Variants in SERPINB13 observed in about 807,000 individuals in gnomAD.
SERPINB13 encodes serpin B13.
Under a neutral mutation model 31.2 loss-of-function variants are expected in SERPINB13, and 26 were observed. That is an observed-to-expected ratio of 0.83 (90% CI 0.61 to 1.15). The LOEUF is 1.15. Among genes scored for constraint, SERPINB13 ranks in the 50% most tolerant of loss-of-function variants. SERPINB13 has a pLI of 0.00. For synonymous variants in SERPINB13, 191 were observed against 172.4 expected (o/e 1.11, Z -0.85); for missense variants, 510 against 469.4 (o/e 1.09, Z -0.80).
chr18:63,597,355 TCTC>T lies in SERPINB13; in HGVS notation c.1171_1173del (p.Pro391del), dbSNP rs958520991. The T allele has an allele frequency of 6.2e-7, 1 of 1,612,082 alleles. No homozygotes were observed. Among genetic ancestry groups the T allele is most frequent in the African/African-American group, 1.3e-5 (1 of 75,028 alleles). On this transcript the variant is annotated inframe_deletion, in exon 8 of 8. Transcript: ENST00000344731. ...CATCCTCTTCTTCGGCAGATTTTCT[TCTC>T]CTTAAGATGATCGTTGCCATGGCAT...
chr18:63,597,203 C>T lies in SERPINB13; in HGVS notation c.1016C>T (p.Thr339Ile), dbSNP rs372905749. Residue 339 changes from threonine (T) to isoleucine (I), a missense_variant, in exon 8 of 8, where the codon ACT becomes ATT. By Grantham distance (89) the Thr-to-Ile change is moderately conservative. Transcript: ENST00000344731. ...KFLHSSFVAVTEEGTEAAAAT... is the reference protein window; with the variant it reads ...KFLHSSFVAVIEEGTEAAAAT... ...CTGCACAGTTCCTTTGTGGCAGTAACTGAGGAAGGCACCGAGGCTGCAGCT... is the reference window on the plus strand; with the variant it reads ...CTGCACAGTTCCTTTGTGGCAGTAATTGAGGAAGGCACCGAGGCTGCAGCT... 6.7e-5 allele frequency: 108 copies of T among 1,614,076 alleles called. No homozygotes were observed. Among genetic ancestry groups the T allele is most frequent in the Non-Finnish European group, 8.1e-5 (96 of 1,180,056 alleles).
At chr18:63,594,206 T>G in intron 5 of SERPINB13, 149 bp from the exon 6 acceptor site, 3 of 1,538,224 alleles carry the variant, frequency 2.0e-6, no homozygotes, top group Non-Finnish European at 2.6e-6. Context: ...CCGTCGATTC[T>G]GCCAGCAAAC....
intron 1 of SERPINB13, among the ~76,000 whole-genome samples, 178 bp downstream of exon 1, chr18:63,587,628 T>C (rs189847620): frequency 1.6e-4 from 25 of 152,398 alleles, no homozygotes; most frequent in Admixed American, 1.4e-3. Context: ...CCATTTTATT[T>C]CTGAGTTAAC....
intron 3 of SERPINB13, 53 bp downstream of exon 3, chr18:63,589,768 C>G (rs1209329732): frequency 5.6e-6 from 9 of 1,612,662 alleles, no homozygotes; most frequent in Non-Finnish European, 7.6e-6. Flanking sequence ...TTACAAACTT[C>G]AGTAGAGTTG....
At chr18:63,592,596 T>C in intron 4 of SERPINB13, 120 bp downstream of exon 4, 1 of 1,036,262 alleles carries the variant, frequency 9.7e-7, no homozygotes, top group Non-Finnish European at 1.4e-6. Context: ...TGTGGTGCTT[T>C]TCCATCCTGA....
chr18:63,597,074 T>TA lies in SERPINB13; in HGVS notation c.888dup (p.Glu297ArgfsTer15). 1.2e-6 allele frequency: 2 copies of TA among 1,614,196 alleles called. No individual in the cohort carries two copies. Among genetic ancestry groups the TA allele is most frequent in the South Asian group, 2.2e-5 (2 of 91,086 alleles). On this transcript the variant is annotated frameshift_variant, in exon 8 of 8. Coordinates refer to ENST00000344731, the MANE Select transcript of SERPINB13 (RefSeq NM_012397.4). LOFTEE classifies it low-confidence loss of function (END_TRUNC). Reference sequence around the variant, plus strand: ...TTTGAGGTGGAGGACGGTTACGATCTAGAGGCGGTCCTGGCTGCCATGGGG... The same window carrying TA: ...TTTGAGGTGGAGGACGGTTACGATCTAAGAGGCGGTCCTGGCTGCCATGGGG...
intron 7 of SERPINB13, among the ~76,000 whole-genome samples, chr18:63,595,884 C>T (rs938852594): frequency 2.7e-5 from 4 of 149,064 alleles, no homozygotes; most frequent in East Asian, 4.0e-4. Flanking sequence ...GGTGACAGAA[C>T]GAGACTCTGT....
chr18:63,589,946 A>G lies in SERPINB13; in HGVS notation c.225+231A>G, dbSNP rs577128895. ...GAAGAGACCTTAGGTGTAATGGACA[A>G]TACCGCTATGATAGAACTGGTAAAG... is the stretch of plus-strand genomic sequence containing the variant. On this transcript the variant is annotated intron_variant, in intron 3 of 7. Transcript: ENST00000344731. 6 of 788,222 alleles carry G rather than the reference A, an allele frequency of 7.6e-6. No homozygotes were observed. In the Admixed American group the frequency reaches 2.0e-4, roughly 26 times the overall value. 48.8% of individuals were successfully genotyped at this position (788,222 alleles called of 1,614,324 possible).
At chr18:63,596,216 A>G (rs535368550) in intron 7 of SERPINB13, among the ~76,000 whole-genome samples, 1 of 152,324 alleles carries the variant, frequency 6.6e-6, no homozygotes, top group Admixed American at 6.5e-5. Context: ...ACTTCTGTGA[A>G]ATATTGCTAG....
In SERPINB13 at chr18:63,589,686, T is replaced by C; in HGVS notation, c.196T>C (p.Ser66Pro). The C allele has an allele frequency of 1.2e-6, 2 of 1,613,486 alleles. No homozygotes were observed. Among genetic ancestry groups the C allele is most frequent in the Non-Finnish European group, 1.7e-6 (2 of 1,179,718 alleles). ...TCACTCTGAAAAAGAGACGAAGAGC[T>C]CAAGAATAAAGGCTGAAGAAAAAGA... is the stretch of plus-strand genomic sequence containing the variant. Reference protein sequence around the residue: ...VFHSEKETKSSRIKAEEKEVI... With the variant: ...VFHSEKETKSPRIKAEEKEVI... The change falls in exon 3 of 8, where the codon TCA becomes CCA. Residue 66 changes from serine to proline, a missense_variant. Coordinates refer to ENST00000344731, the MANE Select transcript of SERPINB13 (RefSeq NM_012397.4).
intron 3 of SERPINB13, chr18:63,590,150 G>A (rs564115984): frequency 6.4e-6 from 1 of 156,382 alleles, no homozygotes; most frequent in African/African-American, 2.4e-5. Context: ...AGTGGTGGTG[G>A]TGGTAGTAGC....
At chr18:63,592,011 C>T (rs1383972349) in intron 3 of SERPINB13, among the ~76,000 whole-genome samples, 1 of 152,112 alleles carries the variant, frequency 6.6e-6, no homozygotes, top group Non-Finnish European at 1.5e-5. Context: ...TCCTTAGATG[C>T]TTAGAATCTT....
chr18:63,594,588 C>T, intron 6 of SERPINB13, 91 bp downstream of exon 6: 1 of 1,438,236 alleles, frequency 7.0e-7, no homozygotes, highest in Non-Finnish European at 9.4e-7. Flanking sequence ...CACCTGTAAT[C>T]CCAGCACTTT....
At position 63,597,348 on chromosome 18, in the gene SERPINB13, A is replaced by G. The variant is rs1237731545; in HGVS notation, c.1161A>G (p.Arg387=). 6.2e-7 allele frequency: 1 copy of G among 1,612,486 alleles called. No individual in the cohort carries two copies. The highest frequency in any genetic ancestry group is 1.7e-5 in the Admixed American group (1 of 59,990). ...CCAACAGCATCCTCTTCTTCGGCAG[A>G]TTTTCTTCTCCTTAAGATGATCGTT... is the stretch of plus-strand genomic sequence containing the variant. ...NESNSILFFG[R]FSSP The change falls in exon 8 of 8, where the codon AGA becomes AGG. Residue 387 remains arginine, a synonymous_variant. Transcript: ENST00000344731.
In SERPINB13 at chr18:63,599,135, T is replaced by C. The variant is rs1010785356; in HGVS notation, c.*1772T>C. On this transcript the variant is annotated 3_prime_UTR_variant, in exon 8 of 8. Coordinates refer to ENST00000344731, the MANE Select transcript of SERPINB13 (RefSeq NM_012397.4). ...TCATTTTATTGAGTTAAATGAGTTC[T>C]TAATAATCTCTGGCTTACAAGTCCT... 3 of 152,202 alleles carry C rather than the reference T, an allele frequency of 2.0e-5. No homozygotes were observed. Among genetic ancestry groups the C allele is most frequent in the African/African-American group, 7.2e-5 (3 of 41,466 alleles). 9.4% of individuals were successfully genotyped at this position (152,202 alleles called of 1,614,324 possible).
At chr18:63,590,855 C>A (rs933495214) in intron 3 of SERPINB13, among the ~76,000 whole-genome samples, 1 of 152,176 alleles carries the variant, frequency 6.6e-6, no homozygotes, top group African/African-American at 2.4e-5. Context: ...AGGATATTAG[C>A]ACTGGAATAC....
rs767621088 is a variant in SERPINB13 at position 63,595,086 on chromosome 18, C to T, written c.673C>T (p.Leu225=). 4 of 1,614,094 alleles carry T rather than the reference C, an allele frequency of 2.5e-6. No individual in the cohort carries two copies. Among genetic ancestry groups the T allele is most frequent in the Non-Finnish European group, 3.4e-6 (4 of 1,179,982 alleles). ...TQSHSFSFTF[L]EDLQAKILGI... is the part of the protein sequence containing the mutation. ...GAGCCATTCCTTTAGCTTCACTTTC[C>T]TGGAGGACTTGCAGGCCAAAATTCT... is the stretch of plus-strand genomic sequence containing the variant. The change falls in exon 7 of 8, where the codon CTG becomes TTG. Residue 225 remains leucine (L), a synonymous_variant. Transcript: ENST00000344731.
At chr18:63,595,618 G>C (rs1245666948) in intron 7 of SERPINB13, among the ~76,000 whole-genome samples, 1 of 152,154 alleles carries the variant, frequency 6.6e-6, no homozygotes, top group Non-Finnish European at 1.5e-5. Flanking sequence ...ATTATGTGAA[G>C]GCCGGGCGTG....
At chr18:63,589,475 A>ACACACACG (rs2144389030) in intron 2 of SERPINB13, among the ~76,000 whole-genome samples, 181 bp from the exon 3 acceptor site, 1 of 152,082 alleles carries the variant, frequency 6.6e-6, no homozygotes, top group African/African-American at 2.4e-5. Flanking sequence ...ACACACACAC[A>ACACACACG]CACACACACA....
Sources: allele counts gnomAD v4.1 joint callset (sites outside exome capture counted in the v4.1 genomes callset), GRCh38; gene constraint gnomAD v4.1.1; transcripts MANE v1.5; gene names NCBI Gene and HGNC (gene_info 2026-07-23, HGNC 2026-07-21).